The following ARPC3 variants were observed in gnomAD, a reference collection of about 807,000 sequenced individuals.
The protein encoded by ARPC3 is actin-related protein 2/3 complex subunit 3.
Under a neutral mutation model 27.6 loss-of-function variants are expected in ARPC3, and 12 were observed. The ratio of observed to expected loss-of-function variants is 0.43; its 90% CI spans 0.28 to 0.70. ARPC3 has a LOEUF of 0.70. ARPC3 is among the 30% of genes least tolerant of loss of function. The probability of loss-of-function intolerance (pLI) is 0.17; values close to 1 mark genes in which losing one functional copy is unlikely to be tolerated. For synonymous variants in ARPC3, 53 were observed against 67.2 expected (o/e 0.79, Z 1.03); for missense variants, 153 against 207.7 (o/e 0.74, Z 1.62).
At chr12:110,448,825 G>A (rs895380531) in intron 1 of ARPC3, among the ~76,000 whole-genome samples, 1 of 131,462 alleles carries the variant, frequency 7.6e-6, no homozygotes, top group Non-Finnish European at 1.6e-5. Context: ...GTCACTAGAC[G>A]AGTGCAGTGG....
At position 110,445,549 on chromosome 12, in the gene ARPC3, A is replaced by G; in HGVS notation, c.9T>C (p.Ala3=). Residue 3 remains alanine (A), a splice_region_variant and synonymous_variant, in exon 2 of 7, where the codon GCT becomes GCC. Transcript: ENST00000228825. ...CAGGATCCATGAGAGAAGAGTGGTA[A>G]GCCTGTAATGGCAAGCCCAGGAAGA... MP[A]YHSSLMDPDT... 1 of 1,607,052 alleles carries G rather than the reference A, an allele frequency of 6.2e-7. No individual in the cohort carries two copies. Among genetic ancestry groups the G allele is most frequent in the Non-Finnish European group, 8.5e-7 (1 of 1,173,566 alleles).
chr12:110,438,204 C>G (rs61106808), intron 3 of ARPC3, among the ~76,000 whole-genome samples: 29,247 of 148,702 alleles, frequency 0.2, 3,956 homozygotes, highest in African/African-American at 0.39. Flanking sequence ...GCTAAGGCCA[C>G]AGAATCGCTT....
intron 3 of ARPC3, among the ~76,000 whole-genome samples, chr12:110,438,607 AAAC>A (rs745400289): frequency 1.2e-4 from 18 of 151,416 alleles, no homozygotes; most frequent in Non-Finnish European, 1.8e-4. Flanking sequence ...CAAAACAAAA[AAAC>A]AACAAAAAAA....
intron 3 of ARPC3, among the ~76,000 whole-genome samples, chr12:110,438,460 G>A (rs910239114): frequency 1.0e-4 from 15 of 148,832 alleles, no homozygotes; most frequent in African/African-American, 2.5e-4. Context: ...TTAGCTTGGC[G>A]TGGTGGCGCG....
At chr12:110,439,410 A>G (rs1280543291) in intron 3 of ARPC3, among the ~76,000 whole-genome samples, 1 of 152,228 alleles carries the variant, frequency 6.6e-6, no homozygotes, top group Non-Finnish European at 1.5e-5. Flanking sequence ...CCCACACATG[A>G]GATATAGAAA....
Position 110,444,698 on chromosome 12 carries a change from T to C in ARPC3, c.106+754A>G, listed in dbSNP as rs187779181. 2.7e-3 allele frequency among the ~76,000 whole-genome samples: 405 copies of C among 152,338 alleles called. 3 individuals are homozygous for C. The highest frequency in any genetic ancestry group is 0.02 in the South Asian group (99 of 4,830). On this transcript the variant is annotated intron_variant, in intron 2 of 6. Coordinates refer to ENST00000228825, the MANE Select transcript of ARPC3 (RefSeq NM_001278556.2). ...GACTCACCATATGCATTAAGTTTACTGAGCTTTCAAATGGTGTTGAAAACA... is the reference window on the plus strand; with the variant it reads ...GACTCACCATATGCATTAAGTTTACCGAGCTTTCAAATGGTGTTGAAAACA...
At chr12:110,440,268 C>T in intron 3 of ARPC3, 44 bp downstream of exon 3, 1 of 1,334,238 alleles carries the variant, frequency 7.5e-7, no homozygotes, top group Non-Finnish European at 1.1e-6. Context: ...TGGTATTATC[C>T]CTATGAGAAA....
intron 6 of ARPC3, 112 bp downstream of exon 6, chr12:110,435,998 T>C (rs1210934922): frequency 1.3e-5 from 11 of 860,066 alleles, no homozygotes; most frequent in Non-Finnish European, 1.8e-5. Context: ...TTAAGCAACA[T>C]TGCAATGCAG....
chr12:110,448,755 TACCC>T (rs1036079745), intron 1 of ARPC3, among the ~76,000 whole-genome samples: 1 of 131,526 alleles, frequency 7.6e-6, no homozygotes, highest in Admixed American at 8.7e-5. Flanking sequence ...ACTGTCTTGT[TACCC>T]ATCTAGCTTC....
chr12:110,449,631 T>C (rs945580008), intron 1 of ARPC3, among the ~76,000 whole-genome samples: 1 of 152,078 alleles, frequency 6.6e-6, no homozygotes, highest in Non-Finnish European at 1.5e-5. Context: ...ATCTGCAAAA[T>C]GGAGACCATG....
intron 6 of ARPC3, among the ~76,000 whole-genome samples, chr12:110,435,707 T>C (rs531358309): frequency 6.6e-6 from 1 of 152,048 alleles, no homozygotes; most frequent in Non-Finnish European, 1.5e-5. Context: ...CACTGCAACC[T>C]CCACTTCCTG....
intron 3 of ARPC3, among the ~76,000 whole-genome samples, chr12:110,437,750 A>G (rs2062414221): frequency 6.6e-6 from 1 of 152,092 alleles, no homozygotes; most frequent in Non-Finnish European, 1.5e-5. Flanking sequence ...CTCACTGTAT[A>G]GGAAGAAGTA....
chr12:110,441,662 C>T (rs2062438355), intron 2 of ARPC3, among the ~76,000 whole-genome samples: 1 of 151,738 alleles, frequency 6.6e-6, no homozygotes, highest in Non-Finnish European at 1.5e-5. Flanking sequence ...TCCCAGGTAG[C>T]CGGGACTACA....
intron 3 of ARPC3, among the ~76,000 whole-genome samples, chr12:110,437,779 C>G (rs2062414324): frequency 6.6e-6 from 1 of 152,112 alleles, no homozygotes; most frequent in African/African-American, 2.4e-5. Context: ...GCCTGGAAAG[C>G]CTGAACTGCT....
At chr12:110,439,597 C>A (rs2135499861) in intron 3 of ARPC3, among the ~76,000 whole-genome samples, 1 of 152,274 alleles carries the variant, frequency 6.6e-6, no homozygotes, top group South Asian at 2.1e-4. Flanking sequence ...CACTGAGAGG[C>A]TGAGGTGAGC....
chr12:110,436,229 AC>A (rs1410403346), intron 5 of ARPC3, 25 bp from the exon 6 acceptor site: 1 of 1,579,840 alleles, frequency 6.3e-7, no homozygotes, highest in Non-Finnish European at 8.7e-7. Context: ...TTTAAAAAAA[AC>A]TGTATTTGCA....
At chr12:110,435,976 A>G in intron 6 of ARPC3, 134 bp downstream of exon 6, 1 of 790,974 alleles carries the variant, frequency 1.3e-6, no homozygotes, top group Non-Finnish European at 2.3e-6. Context: ...CATACTAGAC[A>G]TATACTGGAA....
intron 1 of ARPC3, among the ~76,000 whole-genome samples, chr12:110,445,887 T>C (rs932368978): frequency 6.6e-6 from 1 of 152,142 alleles, no homozygotes; most frequent in African/African-American, 2.4e-5. Context: ...GCAGATTGCC[T>C]GAGCTCAGGA....
intron 3 of ARPC3, among the ~76,000 whole-genome samples, chr12:110,438,946 T>G (rs539569686): frequency 8.6e-5 from 13 of 151,622 alleles, no homozygotes; most frequent in African/African-American, 3.1e-4. Flanking sequence ...TTTCCCTATT[T>G]TTAAGACAAT....
Sources: gnomAD v4.1 joint callset for allele counts (sites outside exome capture counted in the v4.1 genomes callset) on GRCh38, gnomAD v4.1.1 for gene constraint, MANE v1.5 for transcripts, NCBI Gene and HGNC (gene_info 2026-07-23, HGNC 2026-07-21) for gene names.